NXNL2: variants seen among roughly 807,000 people sequenced by gnomAD.
NXNL2 encodes the protein nucleoredoxin like 2.
A neutral mutation model predicts 11.1 loss-of-function variants in NXNL2; 7 were observed. That is an observed-to-expected ratio of 0.63 (90% CI 0.36 to 1.18). The LOEUF (loss-of-function observed/expected upper bound fraction) is 1.18. Ranked by LOEUF, NXNL2 falls within the 50% of genes most tolerant of loss-of-function variation. NXNL2 has a pLI of 0.02. For synonymous variants in NXNL2, 109 were observed against 101.8 expected, an observed-to-expected ratio of 1.07 and a Z score of -0.42; for missense variants, 233 against 217.7, an observed-to-expected ratio of 1.07 and a Z score of -0.44.
At chr9:88,572,604 A>C (rs1184203056) in intron 2 of NXNL2, among the ~76,000 whole-genome samples, 2 of 152,196 alleles carry the variant, frequency 1.3e-5, no homozygotes, top group African/African-American at 4.8e-5. Flanking sequence ...GACCCCGGCA[A>C]AACACAGGGC....
At position 88,535,571 on chromosome 9, in the gene NXNL2, C is replaced by CGCT. The variant is rs1564064381; in HGVS notation, c.141_143dup (p.Leu48dup). 3 of 1,609,582 alleles carry CGCT rather than the reference C, an allele frequency of 1.9e-6. No homozygotes were observed. In the East Asian group the frequency reaches 6.7e-5, roughly 36 times the overall value. ...TGCGCGCCGAGCCGCGACTTCACGCCGCTGCTCTGCGACTTCTATACGGCG... is the reference window on the plus strand; with the variant it reads ...TGCGCGCCGAGCCGCGACTTCACGCCGCTGCTGCTCTGCGACTTCTATACGGCG... On this transcript the variant is annotated inframe_insertion, in exon 1 of 2. Coordinates refer to ENST00000375854, the MANE Select transcript of NXNL2 (RefSeq NM_001161625.2).
downstream of NXNL2, among the ~76,000 whole-genome samples, chr9:88,549,069 C>T (rs1409432656): frequency 2.6e-5 from 4 of 152,300 alleles, no homozygotes; most frequent in South Asian, 2.1e-4. Context: ...TACACAGCCT[C>T]GTCTGTGGTA....
chr9:88,540,713 C>G lies in NXNL2; in HGVS notation c.303-3666C>G, dbSNP rs572343686. On this transcript the variant is annotated intron_variant, in intron 1 of 1. Transcript: ENST00000375854. ...TCCCCAGGTGAGTCATTGGACACCA[C>G]AGGGAGCAGGTCCGGACTGCCGGGG... 3.4e-3 allele frequency among the ~76,000 whole-genome samples: 489 copies of G among 142,066 alleles called. 5 individuals are homozygous for G. The highest frequency in any genetic ancestry group is 0.012 in the African/African-American group (466 of 39,520). 93.2% of individuals were successfully genotyped at this position (142,066 alleles called of 152,430 possible). A position where few individuals can be genotyped will look rare whatever the true frequency, so the allele number is the denominator to read the frequency against.
downstream of NXNL2, among the ~76,000 whole-genome samples, chr9:88,577,802 T>A (rs555431546): frequency 3.9e-5 from 6 of 152,308 alleles, no homozygotes; most frequent in African/African-American, 1.4e-4. Context: ...CATATCGGGA[T>A]TTAGGGCATC....
rs116799738 is a variant in NXNL2 at position 88,583,409 on chromosome 9, C to T, written n.552-590C>T. On this transcript the variant is annotated intron_variant and non_coding_transcript_variant, in intron 1 of 1. Transcript: ENST00000478686. Reference sequence around the variant, plus strand: ...AATCCATAGCTCACTCTTCTTAGGTCGAGCAGGAATAATGGTATTTGACGC... The same window carrying T: ...AATCCATAGCTCACTCTTCTTAGGTTGAGCAGGAATAATGGTATTTGACGC... Among the ~76,000 whole-genome samples the T allele has an allele frequency of 3.0e-3, 464 of 152,284 alleles. 1 individual carries two copies. The highest frequency in any genetic ancestry group is 0.01 in the African/African-American group (426 of 41,562).
chr9:88,541,432 T>C (rs1321511400), intron 1 of NXNL2, among the ~76,000 whole-genome samples: 1 of 152,080 alleles, frequency 6.6e-6, no homozygotes, highest in Non-Finnish European at 1.5e-5. Context: ...GGTTAATTTT[T>C]TTTTATTTTG....
chr9:88,544,244 G>C, intron 1 of NXNL2, 135 bp from the exon 2 acceptor site: 1 of 641,996 alleles, frequency 1.6e-6, no homozygotes, highest in Non-Finnish European at 2.7e-6. Flanking sequence ...GCAGGAGGGA[G>C]AGCAGGAGCA....
At chr9:88,552,764 C>T (rs1007342636) in intron 1 of NXNL2, among the ~76,000 whole-genome samples, 19 of 152,064 alleles carry the variant, frequency 1.2e-4, no homozygotes, top group East Asian at 7.7e-4. Context: ...CCACCGCGCC[C>T]GGTGAAACAT....
intron 1 of NXNL2, among the ~76,000 whole-genome samples, chr9:88,555,847 CA>C (rs139260481): frequency 0.026 from 4,014 of 152,188 alleles, 193 homozygotes; most frequent in African/African-American, 0.089. Flanking sequence ...TGCAGAGCGG[CA>C]AAAGGTGTGT....
rs1008847061 is a variant in NXNL2 at position 88,535,198 on chromosome 9, C to T, written c.-237C>T. On this transcript the variant is annotated 5_prime_UTR_variant, in exon 1 of 2. Transcript: ENST00000375854. ...CTCCCAGAGGCGGGTGCCGCGCTGT[C>T]GCCCAGGTATCTGGGGTCTCTGGTG... 7 of 533,962 alleles carry T rather than the reference C, an allele frequency of 1.3e-5. No individual in the cohort carries two copies. The highest frequency in any genetic ancestry group is 2.3e-5 in the Non-Finnish European group (7 of 307,412). 33.1% of individuals were successfully genotyped at this position (533,962 alleles called of 1,614,324 possible). A position where few individuals can be genotyped will look rare whatever the true frequency, so the allele number is the denominator to read the frequency against.
chr9:88,567,901 G>T (rs1301197423), intron 1 of NXNL2, among the ~76,000 whole-genome samples: 1 of 152,154 alleles, frequency 6.6e-6, no homozygotes, highest in African/African-American at 2.4e-5. Context: ...AGTTGAAGGA[G>T]GTACTGATGC....
chr9:88,544,487 G>T lies in NXNL2; in HGVS notation c.411G>T (p.Gly137=), dbSNP rs200418094. The change falls in exon 2 of 2, where the codon GGG becomes GGT. Residue 137 remains glycine (G), a synonymous_variant. Coordinates refer to ENST00000375854, the MANE Select transcript of NXNL2 (RefSeq NM_001161625.2). ...GGCGGAAGCAGATCCGGGAACGGGG[G>T]TTGGCCTGCTTCCAGGACTGGGTGG... ...NKGRKQIRER[G]LACFQDWVEA... is the part of the protein sequence containing the mutation. The T allele has an allele frequency of 6.4e-7, 1 of 1,551,526 alleles. No individual in the cohort carries two copies. The highest frequency in any genetic ancestry group is 2.4e-5 in the East Asian group (1 of 40,910).
downstream of NXNL2, among the ~76,000 whole-genome samples, chr9:88,548,769 T>A (rs1829887175): frequency 6.6e-6 from 1 of 151,966 alleles, no homozygotes; most frequent in Non-Finnish European, 1.5e-5. Flanking sequence ...ATGACCTGAA[T>A]GTTTCTGTCC....
chr9:88,578,278 G>T (rs192027989), downstream of NXNL2, among the ~76,000 whole-genome samples: 8 of 152,280 alleles, frequency 5.3e-5, no homozygotes, highest in African/African-American at 1.7e-4. Context: ...CCCAGGTGGA[G>T]ACGGGCACAG....
intron 1 of NXNL2, among the ~76,000 whole-genome samples, chr9:88,543,246 T>G (rs932076871): frequency 2.6e-5 from 4 of 152,186 alleles, no homozygotes; most frequent in Non-Finnish European, 5.9e-5. Context: ...GCTCTAGATG[T>G]ATTTAGAACT....
At position 88,535,359 on chromosome 9, in the gene NXNL2, G is replaced by A. The variant is rs1224057152; in HGVS notation, c.-76G>A. 21 of 1,406,650 alleles carry A rather than the reference G, an allele frequency of 1.5e-5. No homozygotes were observed. The highest frequency in any genetic ancestry group is 2.0e-5 in the Non-Finnish European group (21 of 1,068,690). The allele number at this position is 1,406,650 out of a possible 1,614,324, so 87.1% of individuals were successfully genotyped here. On this transcript the variant is annotated 5_prime_UTR_variant, in exon 1 of 2. Coordinates refer to ENST00000375854, the MANE Select transcript of NXNL2 (RefSeq NM_001161625.2). Reference sequence around the variant, plus strand: ...GCGGACAGAGGCGGGGCACCGCGGCGCTCGCCGCCGCCTCCCCGCAGGTGA... The same window carrying A: ...GCGGACAGAGGCGGGGCACCGCGGCACTCGCCGCCGCCTCCCCGCAGGTGA...
At position 88,535,666 on chromosome 9, in the gene NXNL2, G is replaced by A. The variant is rs1564064664; in HGVS notation, c.232G>A (p.Glu78Lys). ...CGTGTCAGCCGACGGCAGCTCCCAG[G>A]AGATGCTGGACTTCATGCGCGAGCT... The part of the protein sequence containing the change: ...VFVSADGSSQ[E>K]MLDFMRELHG... Residue 78 changes from glutamate (E) to lysine (K), a missense_variant, in exon 1 of 2, where the codon GAG becomes AAG. Physicochemically the swap from Glu to Lys is moderately conservative, Grantham distance 56. Coordinates refer to ENST00000375854, the MANE Select transcript of NXNL2 (RefSeq NM_001161625.2). 6.2e-7 allele frequency: 1 copy of A among 1,607,650 alleles called. No individual in the cohort carries two copies. The highest frequency in any genetic ancestry group is 2.2e-5 in the East Asian group (1 of 44,820).
chr9:88,537,059 G>A (rs1172975598), intron 1 of NXNL2, among the ~76,000 whole-genome samples: 1 of 152,212 alleles, frequency 6.6e-6, no homozygotes, highest in Non-Finnish European at 1.5e-5. Flanking sequence ...CAAAGCTCTG[G>A]CCCAGCTCTG....
At chr9:88,582,326 G>A (rs1245897009) in intron 1 of NXNL2, among the ~76,000 whole-genome samples, 2 of 152,176 alleles carry the variant, frequency 1.3e-5, no homozygotes, top group South Asian at 2.1e-4. Context: ...AAAATTAGCT[G>A]GGCATGGTGG....
Sources: allele counts gnomAD v4.1 joint callset (sites outside exome capture counted in the v4.1 genomes callset), GRCh38; gene constraint gnomAD v4.1.1; transcripts MANE v1.5; gene names NCBI Gene and HGNC (gene_info 2026-07-23, HGNC 2026-07-21).